PDZRN4: variants seen among roughly 807,000 people sequenced by gnomAD.
The protein encoded by PDZRN4 is PDZ domain containing ring finger 4, also known as PDZ domain-containing RING finger protein 4.
A neutral mutation model predicts 99.0 loss-of-function variants in PDZRN4; 70 were observed. That is an observed-to-expected ratio of 0.71 (90% CI 0.58 to 0.86). The LOEUF (loss-of-function observed/expected upper bound fraction) is 0.86. Ranked by LOEUF, PDZRN4 falls within the 40% of genes least tolerant of loss-of-function variation. The pLI, the probability that PDZRN4 is intolerant of heterozygous loss-of-function variation, is 0.00. For missense variants in PDZRN4, 1,474 were observed against 1,331.2 expected, an observed-to-expected ratio of 1.11 and a Z score of -1.67; for synonymous variants, 551 against 501.6, an observed-to-expected ratio of 1.10 and a Z score of -1.32.
At chr12:41,451,591 A>T (rs1220457786) in intron 3 of PDZRN4, among the ~76,000 whole-genome samples, 2 of 152,232 alleles carry the variant, frequency 1.3e-5, no homozygotes, top group Non-Finnish European at 2.9e-5. Flanking sequence ...AAAACAAAAA[A>T]TCAAACAAAA....
intron 3 of PDZRN4, among the ~76,000 whole-genome samples, chr12:41,333,982 C>T (rs1265847866): frequency 6.6e-6 from 1 of 152,158 alleles, no homozygotes; most frequent in Non-Finnish European, 1.5e-5. Context: ...AAATTTTCCT[C>T]TCTTTCTAAT....
At chr12:41,542,507 G>C (rs186197393) in intron 5 of PDZRN4, among the ~76,000 whole-genome samples, 1 of 152,120 alleles carries the variant, frequency 6.6e-6, no homozygotes, top group East Asian at 1.9e-4. Context: ...ATTTCATCTG[G>C]ATAATACGCT....
intron 3 of PDZRN4, among the ~76,000 whole-genome samples, chr12:41,366,015 G>A (rs929864863): frequency 6.6e-6 from 1 of 152,098 alleles, no homozygotes; most frequent in African/African-American, 2.4e-5. Context: ...GGAGATGGAA[G>A]GAGGCCAAGA....
At chr12:41,240,361 A>G (rs1426035695) in intron 3 of PDZRN4, among the ~76,000 whole-genome samples, 1 of 152,192 alleles carries the variant, frequency 6.6e-6, no homozygotes, top group Non-Finnish European at 1.5e-5. Flanking sequence ...CTCAAAACAT[A>G]ATGGGTGTAA....
At chr12:41,519,699 G>T (rs775868567) in intron 5 of PDZRN4, among the ~76,000 whole-genome samples, 1 of 152,016 alleles carries the variant, frequency 6.6e-6, no homozygotes, top group Non-Finnish European at 1.5e-5. Flanking sequence ...TGGGTGTAGG[G>T]CCTAAAGAAC....
In PDZRN4 at chr12:41,495,950, T is replaced by C. The variant is rs569437786; in HGVS notation, c.844-10506T>C. Among the ~76,000 whole-genome samples the C allele has an allele frequency of 3.3e-5, 5 of 152,280 alleles. No homozygotes were observed. In the East Asian group the frequency reaches 7.7e-4, roughly 24 times the overall value. On this transcript the variant is annotated intron_variant, in intron 3 of 9. Transcript: ENST00000402685. The stretch of plus-strand genomic sequence containing the variant: ...AATAGCACAGGCATAGTTAGCCCTT[T>C]GTGCTCTTGCAGAGCTGTTAATACC...
intron 5 of PDZRN4, among the ~76,000 whole-genome samples, chr12:41,540,660 G>T (rs926528668): frequency 6.6e-6 from 1 of 152,088 alleles, no homozygotes; most frequent in Non-Finnish European, 1.5e-5. Context: ...ACATCTCTAT[G>T]CAAGTTCAAA....
chr12:41,246,258 A>G (rs989532531), intron 3 of PDZRN4, among the ~76,000 whole-genome samples: 1 of 152,164 alleles, frequency 6.6e-6, no homozygotes, highest in African/African-American at 2.4e-5. Flanking sequence ...TGATTAGTCC[A>G]ATATATTCAT....
At chr12:41,429,218 G>A (rs1307791908) in intron 3 of PDZRN4, among the ~76,000 whole-genome samples, 1 of 152,138 alleles carries the variant, frequency 6.6e-6, no homozygotes, top group African/African-American at 2.4e-5. Flanking sequence ...CCTGCCTTAA[G>A]TAGCTGTTGA....
chr12:41,426,023 A>G (rs1043634560), intron 3 of PDZRN4, among the ~76,000 whole-genome samples: 2 of 152,210 alleles, frequency 1.3e-5, no homozygotes, highest in Non-Finnish European at 2.9e-5. Flanking sequence ...CACTTAGGGC[A>G]TTTGAGATGG....
At chr12:41,419,758 C>T (rs1011304070) in intron 3 of PDZRN4, among the ~76,000 whole-genome samples, 6 of 152,046 alleles carry the variant, frequency 3.9e-5, no homozygotes, top group South Asian at 2.1e-4. Context: ...GAGTCTATAT[C>T]GGTTCAAATT....
chr12:41,336,087 T>C (rs539519068), intron 3 of PDZRN4, among the ~76,000 whole-genome samples: 1 of 152,230 alleles, frequency 6.6e-6, no homozygotes, highest in East Asian at 1.9e-4. Context: ...ACAATTCTCA[T>C]TCAAAAGTTT....
At chr12:41,196,872 A>G (rs1156291482) in intron 3 of PDZRN4, among the ~76,000 whole-genome samples, 1 of 152,102 alleles carries the variant, frequency 6.6e-6, no homozygotes, top group Non-Finnish European at 1.5e-5. Flanking sequence ...TTCATTGAAC[A>G]AATTTAATGG....
intron 3 of PDZRN4, among the ~76,000 whole-genome samples, chr12:41,406,448 G>C (rs1435239197): frequency 6.6e-6 from 1 of 152,144 alleles, no homozygotes; most frequent in Non-Finnish European, 1.5e-5. Flanking sequence ...TTGTTGTTCT[G>C]ATGTGAAATT....
intron 3 of PDZRN4, among the ~76,000 whole-genome samples, chr12:41,199,511 C>A (rs1485431233): frequency 6.6e-6 from 1 of 152,174 alleles, no homozygotes; most frequent in Non-Finnish European, 1.5e-5. Flanking sequence ...TACTGGGTAT[C>A]TACCCAAAGG....
intron 5 of PDZRN4, among the ~76,000 whole-genome samples, chr12:41,534,629 T>A (rs538838051): frequency 3.3e-5 from 5 of 152,342 alleles, no homozygotes; most frequent in African/African-American, 1.2e-4. Context: ...TTTCCTTTAG[T>A]TACAGTCTGC....
At chr12:41,500,168 A>G (rs1030992134) in intron 3 of PDZRN4, among the ~76,000 whole-genome samples, 1 of 151,960 alleles carries the variant, frequency 6.6e-6, no homozygotes, top group Non-Finnish European at 1.5e-5. Flanking sequence ...CTTATAGGGA[A>G]CATTGTCAGT....
intron 3 of PDZRN4, among the ~76,000 whole-genome samples, chr12:41,227,912 CACACA>C (rs1566375600): frequency 2.7e-5 from 4 of 148,412 alleles, no homozygotes; most frequent in African/African-American, 7.4e-5. Flanking sequence ...CACACACACA[CACACA>C]CACCAGAAGG....
intron 3 of PDZRN4, among the ~76,000 whole-genome samples, chr12:41,255,236 G>A (rs2120817844): frequency 6.6e-6 from 1 of 152,130 alleles, no homozygotes; most frequent in South Asian, 2.1e-4. Context: ...GAAGGCGCAA[G>A]TGATCAACAG....
Sources: gnomAD v4.1 joint callset for allele counts (sites outside exome capture counted in the v4.1 genomes callset) on GRCh38, gnomAD v4.1.1 for gene constraint, MANE v1.5 for transcripts, NCBI Gene and HGNC (gene_info 2026-07-23, HGNC 2026-07-21) for gene names.